GUCY2F: variants seen among roughly 807,000 people sequenced by gnomAD.
The protein encoded by GUCY2F is guanylate cyclase 2F, retinal.
In GUCY2F, 61 loss-of-function variants were observed where a neutral mutation model predicts 73.1. The ratio of observed to expected loss-of-function variants is 0.83; its 90% confidence interval spans 0.68 to 1.03. GUCY2F has a LOEUF of 1.03. Among genes scored for constraint, GUCY2F ranks in the 50% least tolerant of loss-of-function variants. The pLI is 0.00. For synonymous variants in GUCY2F, 331 were observed against 307.8 expected, an observed-to-expected ratio of 1.08 and a Z score of -0.79; for missense variants, 912 against 854.3, an observed-to-expected ratio of 1.07 and a Z score of -0.84.
intron 7 of GUCY2F, among the ~76,000 whole-genome samples, chrX:109,439,449 C>G (rs771648885): frequency 9.0e-6 from 1 of 111,483 alleles, no homozygotes; most frequent in Non-Finnish European, 1.9e-5. Flanking sequence ...TTTTTTGTCA[C>G]ACTCTTGGTT....
intron 14 of GUCY2F, among the ~76,000 whole-genome samples, chrX:109,389,683 T>C (rs915081524): frequency 3.6e-5 from 4 of 111,800 alleles, no homozygotes; most frequent in Admixed American, 9.5e-5. Flanking sequence ...ATTTAATATA[T>C]GTCAAAGCAT....
rs1204625207 is a variant in GUCY2F at position 109,415,693 on chromosome X, A to G, written c.1792-6525T>C. Among the ~76,000 whole-genome samples the G allele has an allele frequency of 1.8e-5, 2 of 112,081 alleles. 1 individual carries two copies. The highest frequency in any genetic ancestry group is 7.4e-4 in the South Asian group (2 of 2,695). ...TTAGTGGTGGACTGAGTCTAACTAA[A>G]ACTGCAACACAGCTTCAATCCTGCT... On this transcript the variant is annotated intron_variant, in intron 8 of 19. Coordinates refer to ENST00000218006, the MANE Select transcript of GUCY2F (RefSeq NM_001522.3).
chrX:109,380,540 C>T (rs777380079), intron 17 of GUCY2F, among the ~76,000 whole-genome samples: 1 of 110,954 alleles, frequency 9.0e-6, no homozygotes, highest in Admixed American at 9.6e-5. Context: ...TCTTCTCTTC[C>T]CTCTTAATGT....
intron 1 of GUCY2F, among the ~76,000 whole-genome samples, chrX:109,476,815 G>GTA (rs1200741349): frequency 4.7e-5 from 5 of 105,528 alleles, no homozygotes; most frequent in Admixed American, 4.0e-4. Context: ...ATGTGCGTGT[G>GTA]TATATATATG....
rs138914570 is a variant in GUCY2F, at chrX:109,398,686, G to A, written c.2138C>T (p.Thr713Met). 2.0e-4 allele frequency: 241 copies of A among 1,205,654 alleles called. 1 individual carries two copies. In the African/African-American group the frequency reaches 2.1e-3, roughly 11 times the overall value. The change falls in exon 11 of 20, where the codon ACG (threonine) becomes ATG (methionine). Residue 713 changes from threonine (T) to methionine (M), a missense_variant. Transcript: ENST00000218006. The part of the protein sequence containing the change: ...EESSMEELLW[T>M]APELLRAPRG... ...TGGAGCTCTCAACAGTTCAGGGGCC[G>A]TCCACAGCAGCTCTAAAAAGAAAGC...
chrX:109,453,826 T>C lies in GUCY2F; in HGVS notation c.1066A>G (p.Ile356Val), dbSNP rs760000031. ...TTCATGGCTTGTGCGATAAAGTAAA[T>C]TGAATTGTAGATGGTTCCAAACAAC... ...SPLFGTIYNS[I>V]YFIAQAMNNA... The change falls in exon 4 of 20, where the codon ATT becomes GTT. Residue 356 changes from isoleucine (I) to valine (V), a missense_variant. Coordinates refer to ENST00000218006, the MANE Select transcript of GUCY2F (RefSeq NM_001522.3). 1.3e-5 allele frequency: 15 copies of C among 1,189,710 alleles called. No individual in the cohort carries two copies. Among genetic ancestry groups the C allele is most frequent in the African/African-American group, 1.1e-4 (6 of 56,634 alleles).
intron 1 of GUCY2F, among the ~76,000 whole-genome samples, chrX:109,476,743 TA>T (rs764157645): frequency 9.6e-6 from 1 of 104,021 alleles, no homozygotes; most frequent in African/African-American, 3.9e-5. Context: ...GATAGATAGA[TA>T]GATAGATAGA....
chrX:109,437,644 T>C (rs1931782055), intron 7 of GUCY2F, among the ~76,000 whole-genome samples: 1 of 112,871 alleles, frequency 8.9e-6, no homozygotes, highest in African/African-American at 3.2e-5. Flanking sequence ...TACCAATACC[T>C]GGCCCCACCT....
intron 8 of GUCY2F, among the ~76,000 whole-genome samples, chrX:109,413,363 G>A (rs190345673): frequency 2.4e-4 from 27 of 111,324 alleles, no homozygotes; most frequent in African/African-American, 8.5e-4. Context: ...AGTTGAATGT[G>A]TCCTGTCTCT....
At chrX:109,464,765 G>T (rs949240074) in intron 3 of GUCY2F, among the ~76,000 whole-genome samples, 1 of 112,379 alleles carries the variant, frequency 8.9e-6, no homozygotes, top group Non-Finnish European at 1.9e-5. Context: ...AAAGGAAATA[G>T]TTTCTTATAT....
intron 7 of GUCY2F, among the ~76,000 whole-genome samples, chrX:109,436,507 T>A (rs1431293597): frequency 9.0e-6 from 1 of 111,592 alleles, no homozygotes; most frequent in Non-Finnish European, 1.9e-5. Context: ...GCGGCACTAT[T>A]CACAATAGCA....
chrX:109,476,587 G>T (rs1365253580), intron 1 of GUCY2F, among the ~76,000 whole-genome samples: 2 of 110,840 alleles, frequency 1.8e-5, no homozygotes, highest in African/African-American at 6.6e-5. Flanking sequence ...AGGAGAGAAG[G>T]GAGGAAGAAC....
At position 109,453,530 on chromosome X, in the gene GUCY2F, A is replaced by G; in HGVS notation, c.1362T>C (p.Phe454=). ...RPPRADAKCW[F]AEGKICHGGI... ...CTCCATGGCAGATCTTCCCTTCTGC[A>G]AACCAGCATTTTGCATCTGCTCTAG... The change falls in exon 4 of 20, where the codon TTT becomes TTC. Residue 454 remains phenylalanine (F), a synonymous_variant. Transcript: ENST00000218006. The G allele has an allele frequency of 1.7e-6, 2 of 1,203,477 alleles. No homozygotes were observed. The highest frequency in any genetic ancestry group is 2.2e-6 in the Non-Finnish European group (2 of 889,428).
At chrX:109,374,843 G>A (rs1014128869) in intron 19 of GUCY2F, among the ~76,000 whole-genome samples, 1 of 112,226 alleles carries the variant, frequency 8.9e-6, no homozygotes, top group Non-Finnish European at 1.9e-5. Flanking sequence ...AAGCCTTTGT[G>A]ATGCATAAAT....
rs114295487 is a variant in GUCY2F at position 109,412,731 on chromosome X, G to A, written c.1792-3563C>T. Among the ~76,000 whole-genome samples the A allele has an allele frequency of 5.8e-3, 648 of 112,337 alleles. 6 individuals carry two copies. The highest frequency in any genetic ancestry group is 0.02 in the African/African-American group (608 of 30,930). ...TTCTTGGACCTAAGTGTAGCCATATGACTGAATTCCAAGCAATGGAATAGA... is the reference window on the plus strand; with the variant it reads ...TTCTTGGACCTAAGTGTAGCCATATAACTGAATTCCAAGCAATGGAATAGA... On this transcript the variant is annotated intron_variant, in intron 8 of 19. Coordinates refer to ENST00000218006, the MANE Select transcript of GUCY2F (RefSeq NM_001522.3).
chrX:109,395,000 A>G (rs766344189), intron 12 of GUCY2F, among the ~76,000 whole-genome samples: 2 of 112,274 alleles, frequency 1.8e-5, no homozygotes, highest in African/African-American at 3.2e-5. Flanking sequence ...CTATTCCATG[A>G]TACCCATCAT....
chrX:109,435,759 T>C (rs888527256), intron 7 of GUCY2F, among the ~76,000 whole-genome samples: 1 of 111,700 alleles, frequency 9.0e-6, no homozygotes, highest in Non-Finnish European at 1.9e-5. Context: ...ATATTGGCTG[T>C]GGGTTTGTCA....
intron 3 of GUCY2F, among the ~76,000 whole-genome samples, chrX:109,458,974 CTTAA>C (rs1318055626): frequency 9.0e-6 from 1 of 111,695 alleles, no homozygotes; most frequent in East Asian, 2.8e-4. Flanking sequence ...TACTTACTAA[CTTAA>C]TTAATAGGCT....
intron 4 of GUCY2F, among the ~76,000 whole-genome samples, chrX:109,452,778 G>A (rs765182338): frequency 6.3e-5 from 7 of 111,756 alleles, no homozygotes; most frequent in Admixed American, 3.8e-4. Flanking sequence ...GTATACAGTT[G>A]CATAATAACA....
Sources: allele counts gnomAD v4.1 joint callset (sites outside exome capture counted in the v4.1 genomes callset), GRCh38; gene constraint gnomAD v4.1.1; transcripts MANE v1.5; gene names NCBI Gene and HGNC (gene_info 2026-07-23, HGNC 2026-07-21).